The following CHD6 variants were observed in gnomAD, a reference collection of about 807,000 sequenced individuals.
CHD6 encodes the protein ATP-dependent chromatin remodeler CHD6.
A neutral mutation model predicts 276.9 loss-of-function variants in CHD6; 50 were observed. The ratio of observed to expected loss-of-function variants is 0.18; its 90% CI spans 0.14 to 0.23. The LOEUF is 0.23. CHD6 is among the 10% of genes least tolerant of loss of function. The pLI is 1.00. For missense variants in CHD6, 2,564 were observed against 3,365.8 expected (o/e 0.76, Z 5.89); for synonymous variants, 1,173 against 1,229.3 (o/e 0.95, Z 0.96).
chr20:41,502,299 T>C (rs1387094967), intron 5 of CHD6, among the ~76,000 whole-genome samples: 2 of 152,202 alleles, frequency 1.3e-5, no homozygotes. Context: ...AACCAATATA[T>C]CTAAATTATC....
rs377662210 is a variant in CHD6 at position 41,415,450 on chromosome 20, C to T, written c.6675G>A (p.Gly2225=). 9 of 1,612,572 alleles carry T rather than the reference C, an allele frequency of 5.6e-6. No homozygotes were observed. In the African/African-American group the frequency reaches 1.1e-4, roughly 19 times the overall value. The change falls in exon 34 of 37, where the codon GGG becomes GGA. Residue 2225 remains glycine (G), a synonymous_variant. Transcript: ENST00000373233. ...SAMDLSCSSE[G]SPGATSPFPV... ...GGAAAGGGGATGTGGCTCCTGGGGA[C>T]CCCTCTGATGAGCAGGAGAGGTCCA... is the stretch of plus-strand genomic sequence containing the variant.
intron 35 of CHD6, among the ~76,000 whole-genome samples, chr20:41,413,089 T>C (rs183167905): frequency 6.6e-6 from 1 of 152,376 alleles, no homozygotes; most frequent in African/African-American, 2.4e-5. Context: ...CTTAGGATTT[T>C]GCATGTCTAC....
chr20:41,559,200 T>C (rs1601141582), intron 1 of CHD6, among the ~76,000 whole-genome samples: 1 of 151,688 alleles, frequency 6.6e-6, no homozygotes, highest in African/African-American at 2.4e-5. Flanking sequence ...GTCTTGTTCA[T>C]GCTATACTCC....
At chr20:41,467,345 G>T (rs1025146206) in intron 17 of CHD6, among the ~76,000 whole-genome samples, 2 of 152,060 alleles carry the variant, frequency 1.3e-5, no homozygotes, top group African/African-American at 4.8e-5. Context: ...CAGGAACTCA[G>T]ATGAAGTCCA....
At position 41,413,321 on chromosome 20, in the gene CHD6, T is replaced by TA. The variant is rs2046898020; in HGVS notation, c.7131+2dup. On this transcript the variant is annotated splice_region_variant and intron_variant, in intron 35 of 36. Coordinates refer to ENST00000373233, the MANE Select transcript of CHD6 (RefSeq NM_032221.5). ...ATCTCAGGCAGTACCAACAAACACT[T>TA]ACTGCCCCAAAGCCAGGAACTTCTA... The TA allele has an allele frequency of 6.3e-7, 1 of 1,590,354 alleles. No individual in the cohort carries two copies. Among genetic ancestry groups the TA allele is most frequent in the Non-Finnish European group, 8.6e-7 (1 of 1,167,408 alleles).
intron 31 of CHD6, among the ~76,000 whole-genome samples, chr20:41,418,917 G>C (rs372014542): frequency 5.3e-5 from 8 of 152,328 alleles, no homozygotes; most frequent in African/African-American, 1.9e-4. Context: ...TGCCATCAAA[G>C]GACACCAGTT....
chr20:41,481,857 TAAG>T (rs1569124812), intron 16 of CHD6, among the ~76,000 whole-genome samples: 1 of 151,686 alleles, frequency 6.6e-6, no homozygotes, highest in African/African-American at 2.4e-5. Context: ...AAATAAAAAA[TAAG>T]AGTTACAAAG....
chr20:41,421,458 G>C lies in CHD6; in HGVS notation c.5177C>G (p.Thr1726Ser). 6.2e-7 allele frequency: 1 copy of C among 1,614,088 alleles called. No individual in the cohort carries two copies. Among genetic ancestry groups the C allele is most frequent in the Non-Finnish European group, 8.5e-7 (1 of 1,180,014 alleles). Residue 1726 changes from threonine (T) to serine (S), a missense_variant, in exon 31 of 37, where the codon ACC becomes AGC. Coordinates refer to ENST00000373233, the MANE Select transcript of CHD6 (RefSeq NM_032221.5). ...EPSSFQESPS[T>S]NTESRKDVIT... ...AACATCTTTTCTAGATTCAGTATTG[G>C]TACTTGGGCTCTCCTGAAAAGAGCT...
intron 16 of CHD6, among the ~76,000 whole-genome samples, chr20:41,478,429 A>G (rs868155990): frequency 1.3e-5 from 2 of 152,180 alleles, no homozygotes; most frequent in Non-Finnish European, 2.9e-5. Flanking sequence ...GATCTTGGAG[A>G]AGAATAGAAA....
chr20:41,567,598 G>A (rs537328641), intron 1 of CHD6, among the ~76,000 whole-genome samples: 3 of 151,792 alleles, frequency 2.0e-5, no homozygotes, highest in African/African-American at 7.2e-5. Flanking sequence ...TTGTGGTTCA[G>A]GTACTGATGA....
chr20:41,432,432 T>C (rs1318527685), intron 27 of CHD6, among the ~76,000 whole-genome samples: 1 of 152,096 alleles, frequency 6.6e-6, no homozygotes, highest in East Asian at 1.9e-4. Context: ...AAGTCAGGAC[T>C]TTCAACCCTG....
At chr20:41,552,757 C>G (rs1363296392) in intron 1 of CHD6, among the ~76,000 whole-genome samples, 1 of 152,126 alleles carries the variant, frequency 6.6e-6, no homozygotes, top group Non-Finnish European at 1.5e-5. Context: ...GGAATCTGTC[C>G]TAGAGAGACA....
At position 41,573,470 on chromosome 20, in the gene CHD6, C is replaced by T. The variant is rs6072430; in HGVS notation, c.-23-22110G>A. ...GTATTATGTTACACAACAACCCTAA[C>T]TGGGAAAACAATATTGCAGATTATT... On this transcript the variant is annotated intron_variant, in intron 1 of 36. Transcript: ENST00000373233. 4.6e-3 allele frequency among the ~76,000 whole-genome samples: 697 copies of T among 152,294 alleles called. 3 individuals carry two copies. The highest frequency in any genetic ancestry group is 7.0e-3 in the Non-Finnish European group (473 of 68,030).
intron 3 of CHD6, among the ~76,000 whole-genome samples, chr20:41,525,508 C>A (rs905800932): frequency 5.9e-5 from 9 of 152,208 alleles, no homozygotes; most frequent in African/African-American, 1.9e-4. Flanking sequence ...CACCATTTAT[C>A]CACCAGTATG....
Position 41,426,163 on chromosome 20 carries a change from A to T in CHD6, c.4069-10T>A. The T allele has an allele frequency of 6.2e-7, 1 of 1,608,234 alleles. No individual in the cohort carries two copies. The highest frequency in any genetic ancestry group is 1.3e-5 in the African/African-American group (1 of 74,944). ...CATCACTGGAACTCTCCTAGGGATAAATAAAGCCATCCCATCAGCAAAACT... is the reference window on the plus strand; with the variant it reads ...CATCACTGGAACTCTCCTAGGGATATATAAAGCCATCCCATCAGCAAAACT... On this transcript the variant is annotated splice_polypyrimidine_tract_variant and intron_variant, in intron 27 of 36. Coordinates refer to ENST00000373233, the MANE Select transcript of CHD6 (RefSeq NM_032221.5).
intron 24 of CHD6, among the ~76,000 whole-genome samples, chr20:41,447,559 A>G (rs2048107873): frequency 6.6e-6 from 1 of 152,246 alleles, no homozygotes; most frequent in Non-Finnish European, 1.5e-5. Context: ...CAGTCTATAC[A>G]TGTCAGATCA....
At chr20:41,511,466 A>C (rs2044117027) in intron 5 of CHD6, among the ~76,000 whole-genome samples, 1 of 152,164 alleles carries the variant, frequency 6.6e-6, no homozygotes, top group Admixed American at 6.5e-5. Context: ...CCTCTGTATT[A>C]AGTGCTAATA....
chr20:41,474,782 C>T (rs1341880606), intron 16 of CHD6, among the ~76,000 whole-genome samples: 2 of 152,062 alleles, frequency 1.3e-5, no homozygotes, highest in African/African-American at 4.8e-5. Flanking sequence ...AAAGAAAAAG[C>T]CATGTAAAGA....
At position 41,593,683 on chromosome 20, in the gene CHD6, G is replaced by C. The variant is rs2045687882; in HGVS notation, c.-24+24657C>G. Among the ~76,000 whole-genome samples the C allele has an allele frequency of 2.0e-5, 3 of 152,314 alleles. No homozygotes were observed. The South Asian group carries it at 6.2e-4, about 32-fold the overall frequency. On this transcript the variant is annotated intron_variant, in intron 1 of 36. Transcript: ENST00000373233. ...TCCTCAGCATGTGACTGTATTTGGAGATAGGGTCTTTAAAGAGGTAAGTTA... is the reference window on the plus strand; with the variant it reads ...TCCTCAGCATGTGACTGTATTTGGACATAGGGTCTTTAAAGAGGTAAGTTA...
Sources: gnomAD v4.1 joint callset for allele counts (sites outside exome capture counted in the v4.1 genomes callset) on GRCh38, gnomAD v4.1.1 for gene constraint, MANE v1.5 for transcripts, NCBI Gene and HGNC (gene_info 2026-07-23, HGNC 2026-07-21) for gene names.